Variants in SMAD7 observed in about 807,000 individuals in gnomAD.
SMAD7 encodes the protein SMAD family member 7.
A neutral mutation model predicts 38.7 loss-of-function variants in SMAD7; 8 were observed. The ratio of observed to expected loss-of-function variants is 0.21; its 90% confidence interval spans 0.12 to 0.37. The LOEUF (loss-of-function observed/expected upper bound fraction) is 0.37, where lower values mean the gene tolerates loss of function less well. SMAD7 is among the 10% of genes least tolerant of loss of function. The pLI, the probability that SMAD7 is intolerant of heterozygous loss-of-function variation, is 1.00. For synonymous variants in SMAD7, 327 were observed against 265.1 expected (o/e 1.23, Z -2.27); for missense variants, 477 against 577.9 (o/e 0.83, Z 1.79).
At chr18:48,935,730 G>A (rs541677754) in intron 3 of SMAD7, among the ~76,000 whole-genome samples, 9 of 152,232 alleles carry the variant, frequency 5.9e-5, no homozygotes, top group African/African-American at 2.2e-4. Flanking sequence ...TGGAACCCAC[G>A]AAGAAAAAAG....
chr18:48,922,626 A>G (rs2069875496), intron 3 of SMAD7, among the ~76,000 whole-genome samples: 1 of 152,132 alleles, frequency 6.6e-6, no homozygotes, highest in Non-Finnish European at 1.5e-5. Context: ...TTCATGTCAA[A>G]ATGCCAAATC....
chr18:48,942,691 T>A, intron 2 of SMAD7, 136 bp from the exon 3 acceptor site: 1 of 1,546,656 alleles, frequency 6.5e-7, no homozygotes. Flanking sequence ...TTGATGCTGA[T>A]TATTAATGGT....
chr18:48,943,871 AG>A (rs1192962220), intron 2 of SMAD7, among the ~76,000 whole-genome samples: 1 of 152,104 alleles, frequency 6.6e-6, no homozygotes, highest in Admixed American at 6.5e-5. Context: ...TCTCTAACTC[AG>A]GGTCACTCCC....
intron 3 of SMAD7, among the ~76,000 whole-genome samples, chr18:48,930,903 G>A (rs2069992677): frequency 6.6e-6 from 1 of 152,180 alleles, no homozygotes; most frequent in Non-Finnish European, 1.5e-5. Context: ...TAGCCAAAAG[G>A]TAGAAGCAAG....
intron 2 of SMAD7, among the ~76,000 whole-genome samples, chr18:48,945,120 C>T (rs1394195602): frequency 6.6e-6 from 1 of 152,164 alleles, no homozygotes; most frequent in Non-Finnish European, 1.5e-5. Flanking sequence ...CAGCTCTGCC[C>T]CAGGTAGTTC....
At chr18:48,948,497 T>A in intron 1 of SMAD7, 60 bp from the exon 2 acceptor site, 1 of 1,100,794 alleles carries the variant, frequency 9.1e-7, no homozygotes, top group African/African-American at 1.6e-5. Flanking sequence ...GATAGAAACT[T>A]ATGATAACAG....
Position 48,926,033 on chromosome 18 carries a change from G to A in SMAD7, c.743-4123C>T, listed in dbSNP as rs571851457. Among the ~76,000 whole-genome samples, 19 of 152,326 alleles carry A rather than the reference G, an allele frequency of 1.2e-4. No homozygotes were observed. The South Asian group carries it at 2.9e-3, about 23-fold the overall frequency. On this transcript the variant is annotated intron_variant, in intron 3 of 3. Transcript: ENST00000262158. ...AGTGCTGGGATTATAGGCGTGAGCCGCCGCACCCAGACCCCTTCTTAAATT... is the reference window on the plus strand; with the variant it reads ...AGTGCTGGGATTATAGGCGTGAGCCACCGCACCCAGACCCCTTCTTAAATT...
rs2070249602 is a variant in SMAD7 at position 48,950,374 on chromosome 18, A to G, written c.51T>C (p.Arg17=). The G allele has an allele frequency of 1.3e-6, 2 of 1,543,700 alleles. No homozygotes were observed. The highest frequency in any genetic ancestry group is 1.7e-6 in the Non-Finnish European group (2 of 1,144,822). Residue 17 remains arginine, a synonymous_variant, in exon 1 of 4, where the codon CGT becomes CGC. Coordinates refer to ENST00000262158, the MANE Select transcript of SMAD7 (RefSeq NM_005904.4). ...SALVRRLWRS[R]APGGEDEEEG... ...CCTCCTCGTCCTCGCCGCCGGGCGC[A>G]CGGCTCCTCCAGAGACGCCGGACGA...
chr18:48,946,098 C>A (rs80207283), intron 2 of SMAD7, among the ~76,000 whole-genome samples: 211 of 152,322 alleles, frequency 1.4e-3, no homozygotes, highest in African/African-American at 5.0e-3. Context: ...CCAAAGGCTG[C>A]AGGGTACCAG....
chr18:48,923,752 T>C (rs2069892506), intron 3 of SMAD7, among the ~76,000 whole-genome samples: 2 of 152,028 alleles, frequency 1.3e-5, no homozygotes, highest in African/African-American at 4.8e-5. Context: ...CCCATGTAGC[T>C]TGGAAGTCCA....
chr18:48,939,157 C>A (rs1468066049), intron 3 of SMAD7, among the ~76,000 whole-genome samples: 8 of 150,634 alleles, frequency 5.3e-5, no homozygotes, highest in African/African-American at 2.0e-4. Flanking sequence ...CACCCACCCA[C>A]ACACCCACCC....
rs763731887 is a variant in SMAD7 at position 48,942,573 on chromosome 18, G to C, written c.668-18C>G. On this transcript the variant is annotated intron_variant, in intron 2 of 3. Transcript: ENST00000262158. ...ACAGTCTGCTGTGGATTTGAAAAGG[G>C]GAGAGAAAGAAATAAATACACAAAT... 6.2e-7 allele frequency: 1 copy of C among 1,613,286 alleles called. No individual in the cohort carries two copies. Among genetic ancestry groups the C allele is most frequent in the Non-Finnish European group, 8.5e-7 (1 of 1,179,588 alleles).
chr18:48,931,048 A>G (rs2069994502), intron 3 of SMAD7, among the ~76,000 whole-genome samples: 1 of 152,208 alleles, frequency 6.6e-6, no homozygotes, highest in African/African-American at 2.4e-5. Flanking sequence ...ATGTTAAGTG[A>G]AATAAGCCGA....
At chr18:48,943,182 C>T (rs569146259) in intron 2 of SMAD7, among the ~76,000 whole-genome samples, 6 of 152,294 alleles carry the variant, frequency 3.9e-5, no homozygotes, top group Admixed American at 2.6e-4. Context: ...GGCTCCGAGC[C>T]GGAGGGGAAA....
intron 3 of SMAD7, among the ~76,000 whole-genome samples, chr18:48,925,432 G>GC (rs67121063): frequency 0.46 from 54,573 of 117,706 alleles, 10,162 homozygotes; most frequent in East Asian, 0.58. Context: ...TTAAGGTGTT[G>GC]CCCCCCCCCA....
At chr18:48,945,772 C>T (rs77243909) in intron 2 of SMAD7, among the ~76,000 whole-genome samples, 19,031 of 152,118 alleles carry the variant, frequency 0.13, 1,834 homozygotes, top group African/African-American at 0.27. Flanking sequence ...CCAGCCATTC[C>T]TCAAACCTTT....
chr18:48,924,973 AG>A (rs1187983581), intron 3 of SMAD7, among the ~76,000 whole-genome samples: 3 of 152,218 alleles, frequency 2.0e-5, no homozygotes, highest in Non-Finnish European at 2.9e-5. Context: ...GGAAATGCTC[AG>A]CTTCATCTTC....
intron 2 of SMAD7, among the ~76,000 whole-genome samples, chr18:48,943,559 C>T (rs1207439168): frequency 6.6e-6 from 1 of 152,218 alleles, no homozygotes; most frequent in Non-Finnish European, 1.5e-5. Flanking sequence ...TTGTCATGCA[C>T]CACTGGCAGC....
intron 3 of SMAD7, among the ~76,000 whole-genome samples, chr18:48,927,457 C>A (rs1453887973): frequency 6.6e-6 from 1 of 152,148 alleles, no homozygotes; most frequent in Non-Finnish European, 1.5e-5. Flanking sequence ...CACCCCTTAG[C>A]GCATTCTAGC....
Sources: gnomAD v4.1 joint callset for allele counts (sites outside exome capture counted in the v4.1 genomes callset) on GRCh38, gnomAD v4.1.1 for gene constraint, MANE v1.5 for transcripts, NCBI Gene and HGNC (gene_info 2026-07-23, HGNC 2026-07-21) for gene names.